The following ANK2 variants were observed in gnomAD, a reference collection of about 807,000 sequenced individuals.
ANK2 encodes the protein ankyrin-2.
Under a neutral mutation model 360.5 loss-of-function variants are expected in ANK2, and 83 were observed. The observed-to-expected ratio is 0.23, with a 90% CI of 0.19 to 0.28. The LOEUF is 0.28. Ranked by LOEUF, ANK2 falls within the 10% of genes least tolerant of loss-of-function variation. The pLI is 1.00. For missense variants in ANK2, 4,201 were observed against 4,795.7 expected (o/e 0.88, Z 3.66); for synonymous variants, 1,740 against 1,759.5 (o/e 0.99, Z 0.28).
intron 34 of ANK2, among the ~76,000 whole-genome samples, chr4:113,345,239 C>T (rs538302447): frequency 1.1e-4 from 16 of 152,218 alleles, no homozygotes; most frequent in Admixed American, 3.3e-4. Context: ...CTAGAATAGG[C>T]AAACGTATAG....
intron 22 of ANK2, among the ~76,000 whole-genome samples, chr4:113,300,504 C>T (rs1389013428): frequency 2.6e-5 from 4 of 152,182 alleles, no homozygotes; most frequent in Admixed American, 2.0e-4. Flanking sequence ...CTCACACTCT[C>T]ATGTGGGCAG....
Position 112,952,928 on chromosome 4 carries a change from G to A in ANK2, c.21+48414G>A, listed in dbSNP as rs144592974. Among the ~76,000 whole-genome samples the A allele has an allele frequency of 4.8e-3, 735 of 152,282 alleles. 3 individuals carry two copies. Among genetic ancestry groups the A allele is most frequent in the Non-Finnish European group, 7.3e-3 (497 of 68,002 alleles). On this transcript the variant is annotated intron_variant, in intron 2 of 30. Coordinates refer to the ANK2 transcript ENST00000503271. ...TTGACCAAGTCAAGAGAGATTAGGA[G>A]ATTATATTAGTAATGATAATAACAG...
chr4:113,367,117 C>T (rs760468432), intron 41 of ANK2, among the ~76,000 whole-genome samples: 5 of 152,140 alleles, frequency 3.3e-5, no homozygotes, highest in Non-Finnish European at 5.9e-5. Context: ...GCACTTGAAA[C>T]GGTGCCTAAC....
At chr4:112,884,881 CAT>C (rs374166533) in intron 1 of ANK2, among the ~76,000 whole-genome samples, 28 of 152,188 alleles carry the variant, frequency 1.8e-4, no homozygotes, top group African/African-American at 6.7e-4. Flanking sequence ...GATCTTTTTT[CAT>C]ATGATTAGTG....
rs150344651 is a variant in ANK2 at position 112,964,950 on chromosome 4, G to A, written c.21+60436G>A. Among the ~76,000 whole-genome samples the A allele has an allele frequency of 7.1e-3, 1,076 of 152,232 alleles. 12 individuals carry two copies. Among genetic ancestry groups the A allele is most frequent in the African/African-American group, 0.024 (1,006 of 41,550 alleles). On this transcript the variant is annotated intron_variant, in intron 2 of 30. Transcript: ENST00000503271. The stretch of plus-strand genomic sequence containing the variant: ...AATCTTGGCTATTGTGAACAGTACC[G>A]TAACAAACACCAGAGAGCAGATATC...
chr4:113,158,903 A>G lies in ANK2; in HGVS notation c.85-15513A>G, dbSNP rs181321626. Among the ~76,000 whole-genome samples, 597 of 152,320 alleles carry G rather than the reference A, an allele frequency of 3.9e-3. 7 individuals carry two copies. The highest frequency in any genetic ancestry group is 6.2e-3 in the Non-Finnish European group (420 of 68,032). ...CTTTTCATATATCCCACAATAATCT[A>G]ACTCTTCTTTAAGTGATTTTTGAAG... On this transcript the variant is annotated intron_variant, in intron 1 of 45. Transcript: ENST00000357077.
At chr4:113,325,880 A>C (rs187237098) in intron 26 of ANK2, among the ~76,000 whole-genome samples, 1 of 152,316 alleles carries the variant, frequency 6.6e-6, no homozygotes, top group Non-Finnish European at 1.5e-5. Flanking sequence ...CTTCAATCTT[A>C]AAGATCATAG....
chr4:112,866,056 C>T (rs979488698), intron 1 of ANK2, among the ~76,000 whole-genome samples: 5 of 152,174 alleles, frequency 3.3e-5, no homozygotes, highest in African/African-American at 1.2e-4. Flanking sequence ...TAATAAGAGT[C>T]AGCACTACTG....
chr4:112,774,844 A>G, the ANK2 span, among the ~76,000 whole-genome samples: 1 of 152,244 alleles, frequency 6.6e-6, no homozygotes, highest in African/African-American at 2.4e-5. Context: ...GTTTATAGAC[A>G]ATGGGAAATT....
At chr4:113,117,159 G>A in intron 1 of ANK2, 1 of 386,496 alleles carries the variant, frequency 2.6e-6, no homozygotes, top group Non-Finnish European at 5.1e-6. Context: ...GGATTATCTT[G>A]TGAGTGTTCT....
At chr4:113,226,665 C>G in intron 4 of ANK2, among the ~76,000 whole-genome samples, 1 of 152,228 alleles carries the variant, frequency 6.6e-6, no homozygotes, top group East Asian at 1.9e-4. Context: ...AATTTTGTCT[C>G]TGAATCATTA....
At chr4:112,909,835 T>G (rs1023309114) in intron 2 of ANK2, among the ~76,000 whole-genome samples, 1 of 152,140 alleles carries the variant, frequency 6.6e-6, no homozygotes, top group Non-Finnish European at 1.5e-5. Flanking sequence ...GCTCATTCAT[T>G]TTTTTACTTT....
intron 2 of ANK2, among the ~76,000 whole-genome samples, chr4:113,006,552 T>A (rs995766041): frequency 7.9e-5 from 12 of 152,206 alleles, no homozygotes; most frequent in Non-Finnish European, 1.6e-4. Context: ...GAAACAATCT[T>A]TTCTTATAGA....
At chr4:113,222,575 G>C (rs1178031241) in intron 4 of ANK2, among the ~76,000 whole-genome samples, 1 of 151,960 alleles carries the variant, frequency 6.6e-6, no homozygotes, top group Non-Finnish European at 1.5e-5. Flanking sequence ...GGAGTAAAAA[G>C]AGTACTGAGT....
At chr4:113,374,905 T>G (rs1385463227) in intron 45 of ANK2, 11 of 1,242,394 alleles carry the variant, frequency 8.9e-6, no homozygotes, top group Non-Finnish European at 1.1e-5. Context: ...GGATTCTAGT[T>G]TAGCCACTGA....
intron 7 of ANK2, among the ~76,000 whole-genome samples, chr4:113,238,806 G>A (rs548409599): frequency 7.9e-5 from 12 of 152,216 alleles, no homozygotes; most frequent in South Asian, 4.1e-4. Context: ...TCAGGGAAGC[G>A]TTCCTCTGAA....
At chr4:112,996,950 A>T (rs2048762855) in intron 2 of ANK2, among the ~76,000 whole-genome samples, 1 of 152,050 alleles carries the variant, frequency 6.6e-6, no homozygotes, top group African/African-American at 2.4e-5. Context: ...TATGTCCATG[A>T]ATTTAATTGA....
chr4:113,245,836 C>G (rs1261434603), intron 9 of ANK2, among the ~76,000 whole-genome samples: 1 of 151,544 alleles, frequency 6.6e-6, no homozygotes, highest in African/African-American at 2.4e-5. Flanking sequence ...GGAGTTTTCA[C>G]TCTTGTCACC....
chr4:113,334,498 C>A (rs1057499980), intron 29 of ANK2, among the ~76,000 whole-genome samples: 9 of 151,424 alleles, frequency 5.9e-5, no homozygotes, highest in African/African-American at 2.2e-4. Context: ...TAAAAATGAG[C>A]TTTTTACATG....
Sources: allele counts gnomAD v4.1 joint callset (sites outside exome capture counted in the v4.1 genomes callset), GRCh38; gene constraint gnomAD v4.1.1; transcripts MANE v1.5; gene names NCBI Gene and HGNC (gene_info 2026-07-23, HGNC 2026-07-21).